LRRK2: variants seen among roughly 807,000 people sequenced by gnomAD.
LRRK2 encodes the protein leucine rich repeat kinase 2.
In LRRK2, 203 loss-of-function variants were observed where a neutral mutation model predicts 302.6. The observed-to-expected ratio is 0.67, with a 90% CI of 0.60 to 0.75. The LOEUF (loss-of-function observed/expected upper bound fraction) is 0.75. Ranked by LOEUF, LRRK2 falls within the 30% of genes least tolerant of loss-of-function variation. The pLI, the probability that LRRK2 is intolerant of heterozygous loss-of-function variation, is 0.00. For synonymous variants in LRRK2, 1,066 were observed against 1,031.9 expected, an observed-to-expected ratio of 1.03 and a Z score of -0.63; for missense variants, 2,830 against 2,951.0, an observed-to-expected ratio of 0.96 and a Z score of 0.95.
intron 20 of LRRK2, among the ~76,000 whole-genome samples, chr12:40,291,334 G>C (rs377414905): frequency 5.3e-5 from 8 of 151,638 alleles, no homozygotes; most frequent in East Asian, 3.9e-4. Context: ...ATGTAAATGA[G>C]GAGTTAATGG....
intron 2 of LRRK2, among the ~76,000 whole-genome samples, chr12:40,230,636 T>C (rs1941130420): frequency 6.6e-6 from 1 of 152,022 alleles, no homozygotes; most frequent in Non-Finnish European, 1.5e-5. Flanking sequence ...ACTTTTCCAT[T>C]AGTCTCTAGA....
intron 35 of LRRK2, 82 bp downstream of exon 35, chr12:40,321,270 G>A: frequency 7.5e-7 from 1 of 1,339,448 alleles, no homozygotes; most frequent in Non-Finnish European, 1.0e-6. Context: ...TAGGGAGATG[G>A]CATATGAAAA....
chr12:40,332,735 A>T (rs1945746898), intron 39 of LRRK2, among the ~76,000 whole-genome samples: 1 of 152,118 alleles, frequency 6.6e-6, no homozygotes, highest in African/African-American at 2.4e-5. Flanking sequence ...ATCAAATCTG[A>T]CATAATCTCT....
chr12:40,304,100 A>G lies in LRRK2; in HGVS notation c.3743A>G (p.Glu1248Gly), dbSNP rs1287015125. ...AAAGCATATTTATGGTCTAGAGTAG[A>G]GAAACTGCATCTTTCTCACAATAAA... ...SEKAYLWSRV[E>G]KLHLSHNKLK... is the part of the protein sequence containing the mutation. The change falls in exon 27 of 51, where the codon GAG (glutamate) becomes GGG (glycine). Residue 1248 changes from glutamate to glycine, a missense_variant. By Grantham distance (98) the Glu-to-Gly change is moderately conservative (BLOSUM62 -2). Coordinates refer to ENST00000298910, the MANE Select transcript of LRRK2 (RefSeq NM_198578.4). 6.2e-7 allele frequency: 1 copy of G among 1,613,252 alleles called. No individual in the cohort carries two copies. The highest frequency in any genetic ancestry group is 8.5e-7 in the Non-Finnish European group (1 of 1,179,652).
At position 40,225,236 on chromosome 12, in the gene LRRK2, G is replaced by T. The variant is rs1940805441; in HGVS notation, c.105G>T (p.Leu35=). 1.9e-6 allele frequency: 3 copies of T among 1,614,144 alleles called. No homozygotes were observed. Among genetic ancestry groups the T allele is most frequent in the Non-Finnish European group, 1.7e-6 (2 of 1,180,008 alleles). ...NVQEGKQIET[L]VQILEDLLVF... is the part of the protein sequence containing the mutation. The stretch of plus-strand genomic sequence containing the variant: ...AGGAAGGAAAACAGATAGAAACGCT[G>T]GTCCAAATCCTGGAGGATCTGCTGG... The change falls in exon 1 of 51, where the codon CTG becomes CTT. Residue 35 remains leucine, a synonymous_variant. Transcript: ENST00000298910.
chr12:40,281,857 G>C (rs1267278895), intron 18 of LRRK2, among the ~76,000 whole-genome samples: 1 of 152,220 alleles, frequency 6.6e-6, no homozygotes, highest in Non-Finnish European at 1.5e-5. Flanking sequence ...CCTGTTTCAA[G>C]ATGGTTTGTA....
chr12:40,315,067 C>A, intron 32 of LRRK2, 145 bp from the exon 33 acceptor site: 1 of 710,456 alleles, frequency 1.4e-6, no homozygotes, highest in Non-Finnish European at 2.6e-6. Flanking sequence ...CCATAGGATG[C>A]ACAGCTTCTA....
At chr12:40,337,458 GGTACATCACCCACTAT>G (rs1213862049) in intron 40 of LRRK2, among the ~76,000 whole-genome samples, 7 of 152,032 alleles carry the variant, frequency 4.6e-5, no homozygotes, top group African/African-American at 1.7e-4. Context: ...GTACTGCCTT[GGTACATCACCCACTAT>G]GAATCTGTTA....
chr12:40,257,278 G>A lies in LRRK2; in HGVS notation c.1319G>A (p.Gly440Glu). 1 of 1,585,822 alleles carries A rather than the reference G, an allele frequency of 6.3e-7. No homozygotes were observed. The highest frequency in any genetic ancestry group is 8.7e-7 in the Non-Finnish European group (1 of 1,154,756). The change falls in exon 12 of 51, where the codon GGA becomes GAA. Residue 440 changes from glycine to glutamate, a missense_variant. Physicochemically the swap from Gly to Glu is moderately conservative, Grantham distance 98 (BLOSUM62 -2). This residue lies in a region of LRRK2 where 2,121 missense variants were observed against 2,148.0 expected (regional missense o/e 0.99). Coordinates refer to ENST00000298910, the MANE Select transcript of LRRK2 (RefSeq NM_198578.4). ...VNFRKILLSK[G>E]IHLNVLELMQ... Reference sequence around the variant, plus strand: ...TTCAGAAAAATACTGTTATCAAAAGGAATACACCTGAATGTTTTGGAGTTA... The same window carrying A: ...TTCAGAAAAATACTGTTATCAAAAGAAATACACCTGAATGTTTTGGAGTTA...
At chr12:40,256,386 C>A (rs997429178) in intron 11 of LRRK2, among the ~76,000 whole-genome samples, 2 of 152,060 alleles carry the variant, frequency 1.3e-5, no homozygotes, top group Admixed American at 1.3e-4. Context: ...GTTAAGACTG[C>A]AGTGAGCTAT....
chr12:40,282,653 G>A (rs563416015), intron 18 of LRRK2, among the ~76,000 whole-genome samples: 14 of 152,266 alleles, frequency 9.2e-5, no homozygotes, highest in Middle Eastern at 6.8e-3. Flanking sequence ...TTTTAAAGAC[G>A]ATGGTGACTT....
Position 40,348,444 on chromosome 12 carries a change from A to G in LRRK2, c.6316A>G (p.Met2106Val), listed in dbSNP as rs765036338. 5 of 1,612,558 alleles carry G rather than the reference A, an allele frequency of 3.1e-6. No individual in the cohort carries two copies. The highest frequency in any genetic ancestry group is 2.2e-5 in the East Asian group (1 of 44,800). Reference protein sequence around the residue: ...VKEYGCAPWPMVEKLIKQCLK... With the variant: ...VKEYGCAPWPVVEKLIKQCLK... ...AGAATATGGTTGTGCCCCATGGCCTATGGTTGAGAAATTAATTAAACAGTG... is the reference window on the plus strand; with the variant it reads ...AGAATATGGTTGTGCCCCATGGCCTGTGGTTGAGAAATTAATTAAACAGTG... The change falls in exon 43 of 51, where the codon ATG becomes GTG. Residue 2106 changes from methionine (M) to valine (V), a missense_variant. Transcript: ENST00000298910.
chr12:40,243,081 T>C (rs1417763401), intron 6 of LRRK2, among the ~76,000 whole-genome samples: 1 of 151,748 alleles, frequency 6.6e-6, no homozygotes, highest in Non-Finnish European at 1.5e-5. Context: ...ACACAACCTG[T>C]AACAGCAGAA....
chr12:40,252,193 A>G (rs914439392), intron 10 of LRRK2, among the ~76,000 whole-genome samples: 6 of 152,200 alleles, frequency 3.9e-5, no homozygotes, highest in African/African-American at 9.7e-5. Context: ...GCTATTTGCA[A>G]TGGGTATCCT....
At position 40,294,878 on chromosome 12, in the gene LRRK2, C is replaced by G; in HGVS notation, c.2842C>G (p.Arg948Gly). 6 of 1,546,096 alleles carry G rather than the reference C, an allele frequency of 3.9e-6. No individual in the cohort carries two copies. The highest frequency in any genetic ancestry group is 5.3e-6 in the Non-Finnish European group (6 of 1,123,574). The change falls in exon 22 of 51, where the codon CGA (arginine) becomes GGA (glycine). Residue 948 changes from arginine to glycine, a missense_variant. Physicochemically the swap from Arg to Gly is moderately radical, Grantham distance 125 (BLOSUM62 -2). Around this residue, in one of 3 missense-constraint regions of LRRK2, gnomAD observed 2,121 missense variants for 2,148.0 expected, o/e 0.99. Transcript: ENST00000298910. ...PIFDHEDLLK[R>G]KRKILSSDDS... ...TTTTGATCATGAAGATTTACTGAAG[C>G]GAAAAAGAAAAATATTATCTTCAGA...
chr12:40,363,298 A>C, intron 47 of LRRK2, 104 bp from the exon 48 acceptor site: 1 of 978,268 alleles, frequency 1.0e-6, no homozygotes, highest in African/African-American at 2.2e-5. Context: ...TTTAGTTTTC[A>C]AAATAGTGTT....
rs111739194 is a variant in LRRK2 at position 40,346,826 on chromosome 12, ACTACT to A, written c.6187_6191del (p.Leu2063Ter). 2.8e-4 allele frequency: 451 copies of A among 1,613,786 alleles called. No individual in the cohort carries two copies. The highest frequency in any genetic ancestry group is 3.7e-4 in the Non-Finnish European group (440 of 1,179,884). On this transcript the variant is annotated frameshift_variant, in exon 42 of 51. Transcript: ENST00000298910. LOFTEE classifies it high-confidence loss of function. ...AGGCTGATGTTTATTCATTTGGTTT[ACTACT>A]CTATGACATTTTGACAACTGGAGGT...
chr12:40,284,199 CT>C, intron 19 of LRRK2, 66 bp downstream of exon 19: 1 of 1,390,338 alleles, frequency 7.2e-7, no homozygotes, highest in Non-Finnish European at 9.9e-7. Context: ...AGTCACTAGT[CT>C]TTTAGTGGTT....
At chr12:40,244,863 C>T (rs1003223389) in intron 7 of LRRK2, among the ~76,000 whole-genome samples, 31 of 151,346 alleles carry the variant, frequency 2.0e-4, no homozygotes, top group Non-Finnish European at 4.3e-4. Flanking sequence ...TACACATGTA[C>T]CCTAAAACTT....
Sources: gnomAD v4.1 joint callset for allele counts (sites outside exome capture counted in the v4.1 genomes callset) on GRCh38, gnomAD v4.1.1 for gene constraint, gnomAD v4.1.1 regional missense constraint, MANE v1.5 for transcripts, NCBI Gene and HGNC (gene_info 2026-07-23, HGNC 2026-07-21) for gene names.